The following SAV1 variants were observed in gnomAD, a reference collection of about 807,000 sequenced individuals.
The protein encoded by SAV1 is salvador family WW domain containing protein 1.
SAV1 carries 23 observed loss-of-function variants against 47.3 expected under a neutral mutation model. The observed-to-expected ratio is 0.49, with a 90% CI of 0.35 to 0.69. The LOEUF (loss-of-function observed/expected upper bound fraction) is 0.69, where lower values mean the gene tolerates loss of function less well. Ranked by LOEUF, SAV1 falls within the 30% of genes least tolerant of loss-of-function variation. The pLI, the probability that SAV1 is intolerant of heterozygous loss-of-function variation, is 0.01. For missense variants in SAV1, 448 were observed against 457.4 expected, an observed-to-expected ratio of 0.98 and a Z score of 0.19; for synonymous variants, 155 against 159.2, an observed-to-expected ratio of 0.97 and a Z score of 0.20.
chr14:50,646,946 CCACA>C (rs924311811), intron 2 of SAV1, among the ~76,000 whole-genome samples: 10 of 151,926 alleles, frequency 6.6e-5, no homozygotes, highest in African/African-American at 2.2e-4. Flanking sequence ...AGAAGAACAC[CCACA>C]CAGACATGGT....
intron 4 of SAV1, 113 bp downstream of exon 4, chr14:50,640,637 G>A: frequency 1.2e-6 from 1 of 847,880 alleles, no homozygotes; most frequent in East Asian, 2.8e-5. Context: ...TTACTTAGAA[G>A]CCGAATATTA....
intron 2 of SAV1, among the ~76,000 whole-genome samples, chr14:50,653,463 A>G (rs1249399982): frequency 6.6e-6 from 1 of 152,246 alleles, no homozygotes; most frequent in Non-Finnish European, 1.5e-5. Flanking sequence ...CAAAATTTGC[A>G]ACACTTAGAC....
chr14:50,635,868 C>G (rs139505904), intron 4 of SAV1, among the ~76,000 whole-genome samples: 2,967 of 152,212 alleles, frequency 0.019, 107 homozygotes, highest in African/African-American at 0.068. Context: ...CGCCACCATG[C>G]CCAGCTACTT....
chr14:50,639,324 C>A (rs2039662335), intron 4 of SAV1, among the ~76,000 whole-genome samples: 1 of 150,896 alleles, frequency 6.6e-6, no homozygotes, highest in Non-Finnish European at 1.5e-5. Flanking sequence ...AAGAAACATG[C>A]AAATTTTTTT....
At chr14:50,647,188 G>T (rs1566742718) in intron 2 of SAV1, among the ~76,000 whole-genome samples, 1 of 151,156 alleles carries the variant, frequency 6.6e-6, no homozygotes, top group Non-Finnish European at 1.5e-5. Context: ...TAGACAAAGA[G>T]TACTTTTTTT....
At chr14:50,639,801 T>C (rs2039667026) in intron 4 of SAV1, among the ~76,000 whole-genome samples, 1 of 152,026 alleles carries the variant, frequency 6.6e-6, no homozygotes, top group Non-Finnish European at 1.5e-5. Context: ...CCCCCAGAAA[T>C]ACTAAGGTTA....
Position 50,639,492 on chromosome 14 carries a change from T to A in SAV1, c.950+1258A>T, listed in dbSNP as rs796751268. Among the ~76,000 whole-genome samples, 14 of 152,328 alleles carry A rather than the reference T, an allele frequency of 9.2e-5. 1 individual carries two copies. Among genetic ancestry groups the A allele is most frequent in the African/African-American group, 3.1e-4 (13 of 41,570 alleles). ...GCAACAGGCTTCCAGACCTCTTGTT[T>A]AAGTTTTTAAGCAGTAAAGAAGTAT... is the stretch of plus-strand genomic sequence containing the variant. On this transcript the variant is annotated intron_variant, in intron 4 of 4. Coordinates refer to ENST00000324679, the MANE Select transcript of SAV1 (RefSeq NM_021818.4).
At chr14:50,649,828 G>A (rs747820638) in intron 2 of SAV1, among the ~76,000 whole-genome samples, 3 of 152,154 alleles carry the variant, frequency 2.0e-5, no homozygotes, top group Non-Finnish European at 2.9e-5. Flanking sequence ...TCAACCCAAG[G>A]CCCTAACTGC....
chr14:50,652,395 G>C (rs559487621), intron 2 of SAV1, among the ~76,000 whole-genome samples: 1 of 152,156 alleles, frequency 6.6e-6, no homozygotes, highest in Non-Finnish European at 1.5e-5. Context: ...CCACCAAATA[G>C]CAATGAGTAC....
rs560595876 is a variant in SAV1 at position 50,644,490 on chromosome 14, C to T, written c.806+254G>A. Among the ~76,000 whole-genome samples the T allele has an allele frequency of 2.6e-5, 4 of 152,184 alleles. No individual in the cohort carries two copies. The South Asian group carries it at 6.2e-4, about 24-fold the overall frequency. On this transcript the variant is annotated intron_variant, in intron 3 of 4. Transcript: ENST00000324679. The stretch of plus-strand genomic sequence containing the variant: ...GACACCTATAACAAAAACATTCTGG[C>T]ATTACTACAGCAGAATCTGATCATA...
At chr14:50,646,070 T>TC (rs1455361210) in intron 2 of SAV1, among the ~76,000 whole-genome samples, 3 of 151,716 alleles carry the variant, frequency 2.0e-5, no homozygotes, top group East Asian at 2.0e-4. Flanking sequence ...TTTATAGGAG[T>TC]CCCCCCCTTA....
At chr14:50,664,704 A>T (rs138251563) in intron 2 of SAV1, 2 of 152,534 alleles carry the variant, frequency 1.3e-5, no homozygotes, top group Non-Finnish European at 2.9e-5. Flanking sequence ...TTTGTTGAGA[A>T]AAAGGGCAGG....
At chr14:50,640,398 G>A (rs967707330) in intron 4 of SAV1, among the ~76,000 whole-genome samples, 1 of 152,172 alleles carries the variant, frequency 6.6e-6, no homozygotes, top group East Asian at 1.9e-4. Context: ...GGGATTACAG[G>A]TGTGAGCCAC....
At position 50,665,890 on chromosome 14, in the gene SAV1, AAT is replaced by A. The variant is rs138191046; in HGVS notation, c.95-273_95-272del. Among the ~76,000 whole-genome samples, 171 of 152,344 alleles carry A rather than the reference AAT, an allele frequency of 1.1e-3. 2 individuals carry two copies. In the East Asian group the frequency reaches 0.03, roughly 26 times the overall value. The stretch of plus-strand genomic sequence containing the variant: ...ATGTATTCTGCATACTACCATACAT[AAT>A]ATGATAAAATATCAATAATCTTATC... On this transcript the variant is annotated intron_variant, in intron 1 of 4. Transcript: ENST00000324679.
intron 1 of SAV1, chr14:50,667,530 T>A (rs758512994): frequency 2.1e-6 from 1 of 482,796 alleles, no homozygotes; most frequent in South Asian, 1.6e-5. Flanking sequence ...CCCTGTCTAA[T>A]TACTTTTACT....
rs1483058918 is a variant in SAV1 at position 50,668,039 on chromosome 14, GCCGCCACCT to G, written c.-81_-73del. On this transcript the variant is annotated 5_prime_UTR_variant, in exon 1 of 5. Coordinates refer to ENST00000324679, the MANE Select transcript of SAV1 (RefSeq NM_021818.4). ...TCCGCGCCGGGCGCCGGCCGTCTCCGCCGCCACCTCCGCCGGCGCCGCCGCCTCCTTCCC... is the reference window on the plus strand; with the variant it reads ...TCCGCGCCGGGCGCCGGCCGTCTCCGCCGCCGGCGCCGCCGCCTCCTTCCC... 30 of 1,153,140 alleles carry G rather than the reference GCCGCCACCT, an allele frequency of 2.6e-5. No individual in the cohort carries two copies. Among genetic ancestry groups the G allele is most frequent in the Non-Finnish European group, 3.3e-5 (29 of 869,150 alleles). 71.4% of individuals were successfully genotyped at this position (1,153,140 alleles called of 1,614,324 possible). A position where few individuals can be genotyped will look rare whatever the true frequency, so the allele number is the denominator to read the frequency against.
chr14:50,647,154 GAATA>G (rs761574841), intron 2 of SAV1, among the ~76,000 whole-genome samples: 14 of 152,096 alleles, frequency 9.2e-5, no homozygotes, highest in East Asian at 7.7e-4. Context: ...GAAAAAAATA[GAATA>G]AATTTTCATG....
At chr14:50,652,579 A>T (rs2140257175) in intron 2 of SAV1, among the ~76,000 whole-genome samples, 2 of 152,378 alleles carry the variant, frequency 1.3e-5, no homozygotes, top group South Asian at 4.1e-4. Context: ...CTGCCACCAA[A>T]GCAGCAGCAA....
At chr14:50,646,156 G>A (rs757001503) in intron 2 of SAV1, among the ~76,000 whole-genome samples, 1 of 152,074 alleles carries the variant, frequency 6.6e-6, no homozygotes, top group Non-Finnish European at 1.5e-5. Context: ...TGTATGCTGT[G>A]TATTTTCCTA....
Sources: allele counts gnomAD v4.1 joint callset (sites outside exome capture counted in the v4.1 genomes callset), GRCh38; gene constraint gnomAD v4.1.1; transcripts MANE v1.5; gene names NCBI Gene and HGNC (gene_info 2026-07-23, HGNC 2026-07-21).